SFRP1: variants seen among roughly 807,000 people sequenced by gnomAD.
SFRP1 encodes the protein secreted frizzled related protein 1.
Under a neutral mutation model 25.9 loss-of-function variants are expected in SFRP1, and 9 were observed. The observed-to-expected ratio is 0.35, with a 90% CI of 0.21 to 0.61. The LOEUF is 0.61. Among genes scored for constraint, SFRP1 ranks in the 20% least tolerant of loss-of-function variants. The pLI, the probability that SFRP1 is intolerant of heterozygous loss-of-function variation, is 0.78. For missense variants in SFRP1, 346 were observed against 418.2 expected, an observed-to-expected ratio of 0.83 and a Z score of 1.51; for synonymous variants, 178 against 174.0, an observed-to-expected ratio of 1.02 and a Z score of -0.18.
intron 1 of SFRP1, among the ~76,000 whole-genome samples, chr8:41,304,597 G>C (rs926100281): frequency 6.6e-6 from 1 of 152,116 alleles, no homozygotes; most frequent in Admixed American, 6.5e-5. Context: ...GTGGGGCTTG[G>C]TGTGCTTGGA....
chr8:41,298,574 T>C (rs573289744), intron 2 of SFRP1, among the ~76,000 whole-genome samples: 1 of 152,130 alleles, frequency 6.6e-6, no homozygotes, highest in African/African-American at 2.4e-5. Context: ...GCCCAGTTAA[T>C]ATTTAATTTT....
chr8:41,278,743 A>T (rs2117490951), intron 2 of SFRP1, among the ~76,000 whole-genome samples: 1 of 152,328 alleles, frequency 6.6e-6, no homozygotes, highest in Admixed American at 6.5e-5. Flanking sequence ...AAAACACCTG[A>T]CACACTCCAC....
chr8:41,298,431 C>T (rs1803870895), intron 2 of SFRP1, among the ~76,000 whole-genome samples: 1 of 151,404 alleles, frequency 6.6e-6, no homozygotes, highest in South Asian at 2.1e-4. Flanking sequence ...TTTTTTGAGA[C>T]AGTCTTGCTC....
intron 1 of SFRP1, chr8:41,307,004 G>A (rs1804006754): frequency 1.4e-6 from 2 of 1,451,682 alleles, no homozygotes; most frequent in South Asian, 2.9e-5. Flanking sequence ...GACGGTCCCA[G>A]AAAGAGACCA....
chr8:41,307,055 A>C, intron 1 of SFRP1: 1 of 1,401,906 alleles, frequency 7.1e-7, no homozygotes, highest in Non-Finnish European at 9.3e-7. Flanking sequence ...AGGGCTGGGC[A>C]CAGCCTCACA....
intron 2 of SFRP1, among the ~76,000 whole-genome samples, chr8:41,282,886 AG>A (rs2117495351): frequency 6.6e-6 from 1 of 152,302 alleles, no homozygotes; most frequent in East Asian, 1.9e-4. Flanking sequence ...AAGCAAATAA[AG>A]TTTTTTTGCA....
chr8:41,292,983 G>T (rs1470939410), intron 2 of SFRP1, among the ~76,000 whole-genome samples: 1 of 152,230 alleles, frequency 6.6e-6, no homozygotes, highest in Non-Finnish European at 1.5e-5. Context: ...CTTCTAGCCA[G>T]CCCTGCATCC....
chr8:41,300,168 A>G (rs983191857), intron 2 of SFRP1, among the ~76,000 whole-genome samples: 5 of 152,252 alleles, frequency 3.3e-5, no homozygotes, highest in Non-Finnish European at 5.9e-5. Flanking sequence ...AGAACAGATT[A>G]GTGGAGGTAC....
intron 2 of SFRP1, among the ~76,000 whole-genome samples, chr8:41,293,753 TG>T (rs1032300660): frequency 2.3e-4 from 35 of 151,726 alleles, no homozygotes; most frequent in African/African-American, 7.8e-4. Flanking sequence ...GGGGGTTTTG[TG>T]GGGGGTTTTG....
At chr8:41,267,710 A>G (rs1317241329) in intron 2 of SFRP1, among the ~76,000 whole-genome samples, 1 of 152,238 alleles carries the variant, frequency 6.6e-6, no homozygotes, top group Non-Finnish European at 1.5e-5. Flanking sequence ...CATCTAATAG[A>G]TGAGAAAACT....
At chr8:41,306,894 C>T (rs1186954902) in intron 1 of SFRP1, 3 of 1,589,430 alleles carry the variant, frequency 1.9e-6, no homozygotes, top group African/African-American at 1.3e-5. Flanking sequence ...GGATTCTTTC[C>T]TCTCTTCTTC....
chr8:41,263,894 G>A lies in SFRP1; in HGVS notation c.*1273C>T, dbSNP rs531861200. ...AAAAGTGCGGGGGGACAGGCAGGCT[G>A]TTCTGAATTTCTTTGATCCATAGGC... On this transcript the variant is annotated 3_prime_UTR_variant, in exon 3 of 3. Coordinates refer to ENST00000220772, the MANE Select transcript of SFRP1 (RefSeq NM_003012.5). 2 of 152,198 alleles carry A rather than the reference G, an allele frequency of 1.3e-5. No individual in the cohort carries two copies. Among genetic ancestry groups the A allele is most frequent in the Non-Finnish European group, 2.9e-5 (2 of 68,044 alleles). The allele number at this position is 152,198 out of a possible 1,614,324, so 9.4% of individuals were successfully genotyped here. A position where few individuals can be genotyped will look rare whatever the true frequency, so the allele number is the denominator to read the frequency against.
At chr8:41,278,893 AC>A (rs1803602193) in intron 2 of SFRP1, among the ~76,000 whole-genome samples, 1 of 150,986 alleles carries the variant, frequency 6.6e-6, no homozygotes, top group Non-Finnish European at 1.5e-5. Context: ...GTTGCACCTC[AC>A]TCTTCTCCCT....
intron 2 of SFRP1, among the ~76,000 whole-genome samples, chr8:41,281,352 G>A (rs959992479): frequency 1.8e-4 from 27 of 152,348 alleles, no homozygotes; most frequent in Non-Finnish European, 2.9e-4. Context: ...AGTGGAGTGG[G>A]AGTGCAGTGC....
chr8:41,270,107 G>T (rs1189234215), intron 2 of SFRP1, among the ~76,000 whole-genome samples: 2 of 152,144 alleles, frequency 1.3e-5, no homozygotes, highest in Non-Finnish European at 2.9e-5. Context: ...AGGAGGCCAG[G>T]ATCTGGAGTG....
intron 2 of SFRP1, among the ~76,000 whole-genome samples, chr8:41,288,744 G>C (rs1299554645): frequency 6.6e-6 from 1 of 152,248 alleles, no homozygotes; most frequent in Admixed American, 6.5e-5. Context: ...TGAAAACTCA[G>C]TTCTGAGTTT....
intron 2 of SFRP1, among the ~76,000 whole-genome samples, chr8:41,295,381 T>C (rs1438423932): frequency 6.6e-6 from 1 of 151,278 alleles, no homozygotes; most frequent in African/African-American, 2.4e-5. Flanking sequence ...AAAAAAAAAT[T>C]AGCCGAGCAT....
chr8:41,296,999 T>C (rs1803851796), intron 2 of SFRP1, among the ~76,000 whole-genome samples: 1 of 152,208 alleles, frequency 6.6e-6, no homozygotes, highest in Admixed American at 6.5e-5. Flanking sequence ...GTTATTGTTA[T>C]TGTGAATTAC....
intron 2 of SFRP1, chr8:41,275,302 G>A: frequency 2.9e-6 from 1 of 347,162 alleles, no homozygotes; most frequent in South Asian, 1.9e-5. Flanking sequence ...GGGGCAAGCA[G>A]TTGGATCCAT....
Sources: allele counts gnomAD v4.1 joint callset (sites outside exome capture counted in the v4.1 genomes callset), GRCh38; gene constraint gnomAD v4.1.1; transcripts MANE v1.5; gene names NCBI Gene and HGNC (gene_info 2026-07-23, HGNC 2026-07-21).